The following NDUFB9 variants were observed in gnomAD, a reference collection of about 807,000 sequenced individuals.
The protein encoded by NDUFB9 is NADH:ubiquinone oxidoreductase subunit B9, also known as NADH dehydrogenase [ubiquinone] 1 beta subcomplex subunit 9.
NDUFB9 carries 24 observed loss-of-function variants against 30.2 expected under a neutral mutation model. The observed-to-expected ratio is 0.80, with a 90% confidence interval of 0.58 to 1.12. The LOEUF (loss-of-function observed/expected upper bound fraction) is 1.12. Ranked by LOEUF, NDUFB9 falls within the 50% of genes most tolerant of loss-of-function variation. NDUFB9 has a pLI of 0.00. For synonymous variants in NDUFB9, 80 were observed against 84.0 expected, an observed-to-expected ratio of 0.95 and a Z score of 0.26; for missense variants, 204 against 226.0, an observed-to-expected ratio of 0.90 and a Z score of 0.62.
intron 1 of NDUFB9, chr8:124,539,560 A>G: frequency 2.1e-6 from 1 of 466,316 alleles, no homozygotes; most frequent in South Asian, 2.4e-5. Flanking sequence ...AGGAAAATTA[A>G]GTGAAATAAA....
At chr8:124,541,728 C>T (rs1285903789) in intron 1 of NDUFB9, among the ~76,000 whole-genome samples, 2 of 151,804 alleles carry the variant, frequency 1.3e-5, no homozygotes, top group Admixed American at 6.6e-5. Context: ...CTCAGTCTCC[C>T]GAGTAGCTGG....
Position 124,549,784 on chromosome 8 carries a change from G to GTT in NDUFB9, c.432_433insTT (p.Pro145PhefsTer7). 1 of 1,614,132 alleles carries GTT rather than the reference G, an allele frequency of 6.2e-7. No homozygotes were observed. The highest frequency in any genetic ancestry group is 2.2e-5 in the East Asian group (1 of 44,882). ...AGGTTAAGCAGCTGCAGGAGGAAAC[G>GTT]CCACCTGGTGGTCCTTTAACTGAAG... On this transcript the variant is annotated frameshift_variant, in exon 4 of 4. Transcript: ENST00000276689. LOFTEE classifies it high-confidence loss of function.
Position 124,539,166 on chromosome 8 carries a change from C to A in NDUFB9, c.-21C>A. On this transcript the variant is annotated 5_prime_UTR_variant, in exon 1 of 4. Transcript: ENST00000276689. ...TGCAGTTTCCCGGCTCTCCGCGCGGCCGGGGAAGGTCAGCGCCGTAATGGC... is the reference window on the plus strand; with the variant it reads ...TGCAGTTTCCCGGCTCTCCGCGCGGACGGGGAAGGTCAGCGCCGTAATGGC... 6.2e-7 allele frequency: 1 copy of A among 1,613,876 alleles called. No individual in the cohort carries two copies.
Position 124,539,168 on chromosome 8 carries a change from G to C in NDUFB9, c.-19G>C. The C allele has an allele frequency of 6.2e-7, 1 of 1,613,816 alleles. No individual in the cohort carries two copies. Among genetic ancestry groups the C allele is most frequent in the Non-Finnish European group, 8.5e-7 (1 of 1,179,688 alleles). ...CAGTTTCCCGGCTCTCCGCGCGGCC[G>C]GGGAAGGTCAGCGCCGTAATGGCGT... On this transcript the variant is annotated 5_prime_UTR_variant, in exon 1 of 4. Transcript: ENST00000276689.
In NDUFB9 at chr8:124,549,914, C is replaced by T. The variant is rs377342524; in HGVS notation, c.*22C>T. 14 of 1,614,058 alleles carry T rather than the reference C, an allele frequency of 8.7e-6. No individual in the cohort carries two copies. The South Asian group carries it at 9.9e-5, about 11-fold the overall frequency. ...GTAGAAAGAGAGAGACCTCATCTTT[C>T]ATGCTTGCAAGTGAAATATGTTACA... is the stretch of plus-strand genomic sequence containing the variant. On this transcript the variant is annotated 3_prime_UTR_variant, in exon 4 of 4. Coordinates refer to ENST00000276689, the MANE Select transcript of NDUFB9 (RefSeq NM_005005.3).
intron 1 of NDUFB9, 123 bp from the exon 2 acceptor site, chr8:124,542,964 G>A (rs72714705): frequency 0.034 from 32,430 of 953,316 alleles, 1,061 homozygotes; most frequent in South Asian, 0.12. Context: ...TGCTCCATTG[G>A]GAGGGTTGGG....
chr8:124,542,807 C>CTTTTTTTTTTTTT (rs58685573), intron 1 of NDUFB9: 2 of 204,136 alleles, frequency 9.8e-6, no homozygotes, highest in Admixed American at 6.8e-5. Context: ...ATGCTCTTTT[C>CTTTTTTTTTTTTT]TTTTTTTTTT....
In NDUFB9 at chr8:124,543,095, ACCGAT is replaced by A; in HGVS notation, c.111_115del (p.Tyr37Ter). On this transcript the variant is annotated stop_gained and frameshift_variant, in exon 2 of 4. Transcript: ENST00000276689. LOFTEE classifies it high-confidence loss of function. ...AATCATTTTGGTTTAAGAGACAAAT[ACCGAT>A]ACTTTGCTTGTTTGATGAGAGCCCG... 1 of 1,614,188 alleles carries A rather than the reference ACCGAT, an allele frequency of 6.2e-7. No homozygotes were observed. Among genetic ancestry groups the A allele is most frequent in the Non-Finnish European group, 8.5e-7 (1 of 1,180,010 alleles).
At position 124,543,246 on chromosome 8, in the gene NDUFB9, G is replaced by T; in HGVS notation, c.261G>T (p.Gly87=). 1 of 1,614,108 alleles carries T rather than the reference G, an allele frequency of 6.2e-7. No homozygotes were observed. Reference sequence around the variant, plus strand: ...CATACATCTTCCCTGACTCTCCTGGGGGCACCTCCTATGAGAGATACGATT... The same window carrying T: ...CATACATCTTCCCTGACTCTCCTGGTGGCACCTCCTATGAGAGATACGATT... ...PQPYIFPDSP[G]GTSYERYDCY... Residue 87 remains glycine, a synonymous_variant, in exon 2 of 4, where the codon GGG becomes GGT. Transcript: ENST00000276689.
chr8:124,547,896 A>G (rs1822201821), intron 3 of NDUFB9, among the ~76,000 whole-genome samples: 1 of 152,104 alleles, frequency 6.6e-6, no homozygotes, highest in African/African-American at 2.4e-5. Context: ...AGGCAGGAGA[A>G]TTGCTTGAAT....
chr8:124,543,411 A>T (rs1465622147), intron 2 of NDUFB9, 132 bp downstream of exon 2: 10 of 855,208 alleles, frequency 1.2e-5, no homozygotes, highest in African/African-American at 1.7e-5. Flanking sequence ...TGTCAGATGC[A>T]GGCCTACCTC....
intron 2 of NDUFB9, among the ~76,000 whole-genome samples, chr8:124,546,064 A>G (rs1822151068): frequency 1.3e-5 from 2 of 151,856 alleles, no homozygotes; most frequent in African/African-American, 4.8e-5. Flanking sequence ...CTGGTCTCGA[A>G]CTCCTGACCT....
chr8:124,541,518 A>C (rs1211815999), intron 1 of NDUFB9, among the ~76,000 whole-genome samples: 1 of 152,214 alleles, frequency 6.6e-6, no homozygotes, highest in Non-Finnish European at 1.5e-5. Flanking sequence ...TGTTTATCTT[A>C]TTGACTGTTT....
chr8:124,545,016 A>T (rs1315644981), intron 2 of NDUFB9, among the ~76,000 whole-genome samples: 1 of 152,218 alleles, frequency 6.6e-6, no homozygotes, highest in Non-Finnish European at 1.5e-5. Context: ...TCAGCAGAAG[A>T]AGTAACTGCA....
At chr8:124,548,149 A>G (rs1822211870) in intron 3 of NDUFB9, among the ~76,000 whole-genome samples, 1 of 152,212 alleles carries the variant, frequency 6.6e-6, no homozygotes, top group Non-Finnish European at 1.5e-5. Context: ...CCTGTGAGAC[A>G]TCAAGTGCAG....
intron 2 of NDUFB9, among the ~76,000 whole-genome samples, chr8:124,543,770 C>T (rs1359292082): frequency 2.6e-5 from 4 of 152,186 alleles, no homozygotes; most frequent in Non-Finnish European, 5.9e-5. Context: ...CCGCCTCTAT[C>T]CCTCTCCTCA....
chr8:124,540,000 C>A (rs1821871984), intron 1 of NDUFB9, among the ~76,000 whole-genome samples: 1 of 151,494 alleles, frequency 6.6e-6, no homozygotes, highest in Non-Finnish European at 1.5e-5. Context: ...AAATTCATTG[C>A]AGGGTGGGCT....
At chr8:124,539,786 C>T (rs922274051) in intron 1 of NDUFB9, among the ~76,000 whole-genome samples, 27 of 152,302 alleles carry the variant, frequency 1.8e-4, no homozygotes, top group African/African-American at 6.3e-4. Flanking sequence ...TTCTAAGTGT[C>T]TGAGCCAGGG....
chr8:124,547,443 G>C (rs1327234497), intron 3 of NDUFB9: 1 of 593,802 alleles, frequency 1.7e-6, no homozygotes. Flanking sequence ...GTCATGTTAG[G>C]ATGGTCAGTT....
Sources: gnomAD v4.1 joint callset for allele counts (sites outside exome capture counted in the v4.1 genomes callset) on GRCh38, gnomAD v4.1.1 for gene constraint, MANE v1.5 for transcripts, NCBI Gene and HGNC (gene_info 2026-07-23, HGNC 2026-07-21) for gene names.